Variants in GRM7 observed in about 807,000 individuals in gnomAD.
GRM7 encodes the protein metabotropic glutamate receptor 7.
GRM7 carries 35 observed loss-of-function variants against 84.5 expected under a neutral mutation model. That is an observed-to-expected ratio of 0.41 (90% CI 0.32 to 0.55). The LOEUF (loss-of-function observed/expected upper bound fraction) is 0.55, where lower values mean the gene tolerates loss of function less well. GRM7 is among the 20% of genes least tolerant of loss of function. GRM7 has a pLI of 0.19. For missense variants in GRM7, 1,003 were observed against 1,194.6 expected (o/e 0.84, Z 2.36); for synonymous variants, 487 against 455.1 (o/e 1.07, Z -0.89).
chr3:7,093,712 AAAG>A (rs1466510378), intron 1 of GRM7, among the ~76,000 whole-genome samples: 1,306 of 75,696 alleles, frequency 0.017, 310 homozygotes, highest in Middle Eastern at 0.025. Flanking sequence ...AAAAAAAAAA[AAAG>A]GTAGTTAGTG....
chr3:6,942,309 A>G (rs1697922229), intron 1 of GRM7, among the ~76,000 whole-genome samples: 1 of 152,174 alleles, frequency 6.6e-6, no homozygotes, highest in South Asian at 2.1e-4. Context: ...TATAATTCAC[A>G]TGAAATAAAC....
chr3:7,288,726 G>A (rs181945066), intron 2 of GRM7, among the ~76,000 whole-genome samples: 33 of 152,058 alleles, frequency 2.2e-4, no homozygotes, highest in African/African-American at 8.0e-4. Context: ...AATTATTAAT[G>A]GAAAGTAGTA....
intron 1 of GRM7, among the ~76,000 whole-genome samples, chr3:7,117,574 C>A (rs1204741295): frequency 6.6e-6 from 1 of 152,178 alleles, no homozygotes; most frequent in Non-Finnish European, 1.5e-5. Context: ...TATCAGAAGA[C>A]TTGCACTTGA....
chr3:7,162,777 T>G (rs923834619), intron 2 of GRM7, among the ~76,000 whole-genome samples: 6 of 103,258 alleles, frequency 5.8e-5, no homozygotes, highest in Non-Finnish European at 1.1e-4. Flanking sequence ...TTTTTTTTTT[T>G]GAGATGGAGT....
intron 7 of GRM7, among the ~76,000 whole-genome samples, chr3:7,509,892 A>C (rs895748115): frequency 2.0e-5 from 3 of 152,184 alleles, no homozygotes; most frequent in Non-Finnish European, 4.4e-5. Context: ...AGGCTTGAAA[A>C]GTAAGAACTC....
At chr3:7,619,565 A>G (rs1231703164) in intron 8 of GRM7, among the ~76,000 whole-genome samples, 1 of 152,086 alleles carries the variant, frequency 6.6e-6, no homozygotes, top group African/African-American at 2.4e-5. Flanking sequence ...TGACTTCAAA[A>G]GCTGTAGAGG....
chr3:7,182,636 G>A (rs1340368802), intron 2 of GRM7, among the ~76,000 whole-genome samples: 1 of 152,130 alleles, frequency 6.6e-6, no homozygotes, highest in African/African-American at 2.4e-5. Context: ...CTTCTCCCAA[G>A]TCTTCAAGTA....
chr3:7,075,504 G>C (rs1271288752), intron 1 of GRM7, among the ~76,000 whole-genome samples: 1 of 89,972 alleles, frequency 1.1e-5, no homozygotes, highest in Non-Finnish European at 2.7e-5. Context: ...AGATGTGTGT[G>C]TGTGTGTGTG....
chr3:6,917,134 A>G (rs982113723), intron 1 of GRM7, among the ~76,000 whole-genome samples: 2 of 152,154 alleles, frequency 1.3e-5, no homozygotes, highest in Non-Finnish European at 2.9e-5. Context: ...GTCCATTGAT[A>G]ATGTTGATAA....
rs529413677 is a variant in GRM7 at position 7,727,434 on chromosome 3, G to C, written c.2699-12923G>C. 3.9e-5 allele frequency among the ~76,000 whole-genome samples: 6 copies of C among 152,246 alleles called. No homozygotes were observed. The East Asian group carries it at 1.2e-3, about 29-fold the overall frequency. On this transcript the variant is annotated intron_variant, in intron 9 of 9. Coordinates refer to ENST00000357716, the MANE Select transcript of GRM7 (RefSeq NM_000844.4). ...AAAACAAAAAACAATAAGACACCCTGAAATTCACTGGTGTTTTAATTTTAG... is the reference window on the plus strand; with the variant it reads ...AAAACAAAAAACAATAAGACACCCTCAAATTCACTGGTGTTTTAATTTTAG...
rs1218949173 is a variant in GRM7 at position 7,653,180 on chromosome 3, C to CTTTT, written c.2452-26848_2452-26845dup. The stretch of plus-strand genomic sequence containing the variant: ...ACTTTCCATTGTAACATACTATATC[C>CTTTT]TTTTTTTTTTTTTTTTTTTTTTTTG... On this transcript the variant is annotated intron_variant, in intron 8 of 9. Coordinates refer to ENST00000357716, the MANE Select transcript of GRM7 (RefSeq NM_000844.4). Among the ~76,000 whole-genome samples, 622 of 89,296 alleles carry CTTTT rather than the reference C, an allele frequency of 7.0e-3. 32 individuals carry two copies. Among genetic ancestry groups the CTTTT allele is most frequent in the African/African-American group, 0.029 (528 of 18,168 alleles). The allele number at this position is 89,296 out of a possible 152,430, so 58.6% of individuals were successfully genotyped here. A position where few individuals can be genotyped will look rare whatever the true frequency, so the allele number is the denominator to read the frequency against.
intron 1 of GRM7, among the ~76,000 whole-genome samples, chr3:7,086,382 A>G (rs1001571698): frequency 6.6e-6 from 1 of 152,034 alleles, no homozygotes; most frequent in Non-Finnish European, 1.5e-5. Flanking sequence ...TCCTTTAAAC[A>G]CACTTTTTTT....
At chr3:7,492,612 T>C (rs1471736877) in intron 7 of GRM7, among the ~76,000 whole-genome samples, 2 of 152,166 alleles carry the variant, frequency 1.3e-5, no homozygotes, top group African/African-American at 2.4e-5. Context: ...AGTTTTGTGA[T>C]AATTCTATCT....
chr3:7,590,398 C>A lies in GRM7; in HGVS notation c.2451+11041C>A, dbSNP rs542665669. 7.9e-5 allele frequency among the ~76,000 whole-genome samples: 12 copies of A among 152,232 alleles called. No individual in the cohort carries two copies. The East Asian group carries it at 2.3e-3, about 29-fold the overall frequency. On this transcript the variant is annotated intron_variant, in intron 8 of 9. Transcript: ENST00000357716. ...TAATTGGAACACAGCCTCATCCATT[C>A]ATCTACGTACTGCCTATGGTTGCTT...
intron 4 of GRM7, among the ~76,000 whole-genome samples, chr3:7,407,647 A>G (rs1372568760): frequency 6.6e-6 from 1 of 152,226 alleles, no homozygotes; most frequent in African/African-American, 2.4e-5. Context: ...CGCATTTGGA[A>G]TATGTGAAGA....
chr3:7,362,152 G>A (rs1365083393), intron 4 of GRM7, among the ~76,000 whole-genome samples: 1 of 152,058 alleles, frequency 6.6e-6, no homozygotes, highest in East Asian at 1.9e-4. Context: ...TTGAAATGCT[G>A]CTTTATAATA....
chr3:7,276,889 C>G (rs1559547280), intron 2 of GRM7, among the ~76,000 whole-genome samples: 1 of 149,564 alleles, frequency 6.7e-6, no homozygotes, highest in African/African-American at 2.5e-5. Flanking sequence ...GTTGTTACTA[C>G]TATCATTTTG....
At chr3:6,941,442 GAA>G (rs1181336976) in intron 1 of GRM7, among the ~76,000 whole-genome samples, 1 of 152,186 alleles carries the variant, frequency 6.6e-6, no homozygotes, top group Non-Finnish European at 1.5e-5. Flanking sequence ...AACTTTGGAT[GAA>G]AAAGTCAAGT....
At chr3:6,978,482 AC>A (rs1353120282) in intron 1 of GRM7, among the ~76,000 whole-genome samples, 3 of 152,162 alleles carry the variant, frequency 2.0e-5, no homozygotes, top group African/African-American at 7.2e-5. Flanking sequence ...TTGTTTTAGT[AC>A]TTCCCCCCCA....
Sources: allele counts gnomAD v4.1 joint callset (sites outside exome capture counted in the v4.1 genomes callset), GRCh38; gene constraint gnomAD v4.1.1; transcripts MANE v1.5; gene names NCBI Gene and HGNC (gene_info 2026-07-23, HGNC 2026-07-21).